GALNS: variants seen among roughly 807,000 people sequenced by gnomAD.
The protein encoded by GALNS is galactosamine (N-acetyl)-6-sulfatase, also known as N-acetylgalactosamine-6-sulfatase.
GALNS carries 65 observed loss-of-function variants against 65.9 expected under a neutral mutation model. That is an observed-to-expected ratio of 0.99 (90% confidence interval 0.81 to 1.21). The LOEUF (loss-of-function observed/expected upper bound fraction) is 1.21, where lower values mean the gene tolerates loss of function less well. Ranked by LOEUF, GALNS falls within the 50% of genes most tolerant of loss-of-function variation. The probability of loss-of-function intolerance (pLI) is 0.00; values close to 1 mark genes in which losing one functional copy is unlikely to be tolerated. For synonymous variants in GALNS, 346 were observed against 288.9 expected, an observed-to-expected ratio of 1.20 and a Z score of -2.00; for missense variants, 776 against 700.7, an observed-to-expected ratio of 1.11 and a Z score of -1.21.
At position 88,822,798 on chromosome 16, in the gene GALNS, C is replaced by T. The variant is rs974253456; in HGVS notation, c.1243-88G>A. 12 of 1,552,522 alleles carry T rather than the reference C, an allele frequency of 7.7e-6. No homozygotes were observed. The African/African-American group carries it at 1.5e-4, about 19-fold the overall frequency. ...TCTGCCCGTGTCCTGGAGCCCCTGA[C>T]TGCGGCCGTGAGGGGCCTTGTCTGC... is the stretch of plus-strand genomic sequence containing the variant. On this transcript the variant is annotated intron_variant, in intron 11 of 13. Coordinates refer to ENST00000268695, the MANE Select transcript of GALNS (RefSeq NM_000512.5).
chr16:88,824,921 C>T, intron 10 of GALNS, 52 bp from the exon 11 acceptor site: 1 of 1,472,676 alleles, frequency 6.8e-7, no homozygotes, highest in East Asian at 2.3e-5. Flanking sequence ...CACGCTGGGG[C>T]CACCTGGAGG....
intron 1 of GALNS, among the ~76,000 whole-genome samples, chr16:88,847,834 G>A (rs999928383): frequency 6.6e-6 from 1 of 152,236 alleles, no homozygotes; most frequent in Non-Finnish European, 1.5e-5. Context: ...GCCCGGCAGC[G>A]CCTCCCTGGT....
chr16:88,849,963 G>C (rs890232874), intron 1 of GALNS, among the ~76,000 whole-genome samples: 6 of 152,248 alleles, frequency 3.9e-5, no homozygotes, highest in African/African-American at 1.4e-4. Flanking sequence ...ATCCCACTGA[G>C]GCAGCAGAAA....
rs1912272757 is a variant in GALNS, at chr16:88,837,605, G to A, written c.566+17C>T. On this transcript the variant is annotated intron_variant, in intron 5 of 13. Coordinates refer to ENST00000268695, the MANE Select transcript of GALNS (RefSeq NM_000512.5). Reference sequence around the variant, plus strand: ...GCAGTTCAGGACGTGGGAGGGGAAGGGGTGGGGCTCCATTACCTGCCAACC... The same window carrying A: ...GCAGTTCAGGACGTGGGAGGGGAAGAGGTGGGGCTCCATTACCTGCCAACC... 6.2e-7 allele frequency: 1 copy of A among 1,611,752 alleles called. No individual in the cohort carries two copies. Among genetic ancestry groups the A allele is most frequent in the South Asian group, 1.1e-5 (1 of 91,002 alleles).
chr16:88,832,242 C>A, intron 8 of GALNS, 141 bp from the exon 9 acceptor site: 1 of 785,424 alleles, frequency 1.3e-6, no homozygotes, highest in South Asian at 1.5e-5. Flanking sequence ...ATGATCCGAG[C>A]CTCGGGGTGG....
At position 88,824,738 on chromosome 16, in the gene GALNS, C is replaced by T. The variant is rs115524203; in HGVS notation, c.1242+29G>A. The T allele has an allele frequency of 1.1e-3, 1,783 of 1,583,120 alleles. 23 individuals are homozygous for T. In the African/African-American group the frequency reaches 0.02, roughly 18 times the overall value. On this transcript the variant is annotated intron_variant, in intron 11 of 13. Transcript: ENST00000268695. ...GTCTGGATAGAGATGGGGGCAGCTC[C>T]GCCTGCGCCCACGTCCCGAGCCCTG...
Position 88,835,372 on chromosome 16 carries a change from G to C in GALNS, c.759-20C>G, listed in dbSNP as rs774998093. On this transcript the variant is annotated intron_variant, in intron 7 of 13. Transcript: ENST00000268695. ...CCATACCTGCAGGATGGTGACAAAA[G>C]GCATCTCCATACCTGGAGGATGGTG... 6.2e-7 allele frequency: 1 copy of C among 1,613,240 alleles called. No homozygotes were observed. Among genetic ancestry groups the C allele is most frequent in the Non-Finnish European group, 8.5e-7 (1 of 1,179,666 alleles).
intron 1 of GALNS, 98 bp downstream of exon 1, chr16:88,856,660 C>T (rs1242225233): frequency 4.4e-5 from 17 of 383,126 alleles, no homozygotes; most frequent in South Asian, 2.6e-4. Context: ...CCTCTCCCCC[C>T]ACCCCGCCCG....
In GALNS at chr16:88,837,611, G is replaced by A. The variant is rs370978045; in HGVS notation, c.566+11C>T. 1.1e-5 allele frequency: 17 copies of A among 1,612,038 alleles called. No homozygotes were observed. The African/African-American group carries it at 1.6e-4, about 15-fold the overall frequency. On this transcript the variant is annotated intron_variant, in intron 5 of 13. Coordinates refer to ENST00000268695, the MANE Select transcript of GALNS (RefSeq NM_000512.5). Reference sequence around the variant, plus strand: ...CAGGACGTGGGAGGGGAAGGGGTGGGGCTCCATTACCTGCCAACCATCTCC... The same window carrying A: ...CAGGACGTGGGAGGGGAAGGGGTGGAGCTCCATTACCTGCCAACCATCTCC...
intron 10 of GALNS, among the ~76,000 whole-genome samples, chr16:88,825,168 C>A (rs1184621183): frequency 2.8e-5 from 2 of 71,136 alleles, no homozygotes; most frequent in African/African-American, 1.2e-4. Flanking sequence ...GGTGTTTGGG[C>A]GGCCGGGGCT....
At chr16:88,836,882 G>A (rs1044573945) in intron 5 of GALNS, among the ~76,000 whole-genome samples, 4 of 152,326 alleles carry the variant, frequency 2.6e-5, no homozygotes, top group East Asian at 1.9e-4. Flanking sequence ...CTGGGGAGCC[G>A]CCGCTCAGGC....
chr16:88,855,940 G>A lies in GALNS; in HGVS notation c.120+818C>T. The stretch of plus-strand genomic sequence containing the variant: ...CTCACACACAACGTGAGCACGGCGG[G>A]ACAGGTGTAACCCCCCAGGTGTGGC... On this transcript the variant is annotated intron_variant, in intron 1 of 13. Transcript: ENST00000268695. 7 of 568,738 alleles carry A rather than the reference G, an allele frequency of 1.2e-5. 1 individual carries two copies. The South Asian group carries it at 1.4e-4, about 12-fold the overall frequency. The allele number at this position is 568,738 out of a possible 1,614,324, so 35.2% of individuals were successfully genotyped here.
chr16:88,832,207 G>A (rs1294131946), intron 8 of GALNS, 106 bp from the exon 9 acceptor site: 14 of 1,020,274 alleles, frequency 1.4e-5, no homozygotes, highest in Admixed American at 4.0e-5. Flanking sequence ...CAAAGGGCCC[G>A]GCCAAGGCAC....
Position 88,823,479 on chromosome 16 carries a change from C to T in GALNS, c.1243-769G>A, listed in dbSNP as rs567949621. On this transcript the variant is annotated intron_variant, in intron 11 of 13. Transcript: ENST00000268695. Reference sequence around the variant, plus strand: ...CGAGGACTGTGCCCAGGACGGCCCTCGCAGGCGGCAATGCCGGGGACCGAT... The same window carrying T: ...CGAGGACTGTGCCCAGGACGGCCCTTGCAGGCGGCAATGCCGGGGACCGAT... 3.3e-5 allele frequency among the ~76,000 whole-genome samples: 5 copies of T among 152,204 alleles called. No homozygotes were observed. The East Asian group carries it at 5.8e-4, about 18-fold the overall frequency.
intron 4 of GALNS, 47 bp from the exon 5 acceptor site, chr16:88,837,812 C>T (rs1912299795): frequency 1.2e-6 from 2 of 1,606,800 alleles, no homozygotes; most frequent in Non-Finnish European, 1.7e-6. Flanking sequence ...CGTGGGGACA[C>T]TCGGAAGTTC....
rs75439331 is a variant in GALNS at position 88,822,532 on chromosome 16, T to C, written c.1364+57A>G. On this transcript the variant is annotated intron_variant, in intron 12 of 13. Coordinates refer to ENST00000268695, the MANE Select transcript of GALNS (RefSeq NM_000512.5). ...GGGCTCTGTCCCTGTGGAGCCTGCA[T>C]TTGGGGGAGTCCGGCTGGCACTGCC... The C allele has an allele frequency of 2.9e-4, 470 of 1,600,048 alleles. 3 individuals carry two copies. In the East Asian group the frequency reaches 0.01, roughly 34 times the overall value.
chr16:88,817,218 CCT>C (rs1909723166), intron 13 of GALNS: 1 of 983,350 alleles, frequency 1.0e-6, no homozygotes, highest in Non-Finnish European at 1.2e-6. Context: ...CCTGAGAGGC[CCT>C]GACTGCTGCG....
intron 8 of GALNS, 38 bp from the exon 9 acceptor site, chr16:88,832,139 G>C (rs764170476): frequency 1.9e-6 from 3 of 1,556,420 alleles, no homozygotes; most frequent in East Asian, 2.3e-5. Context: ...ACTGGGACCA[G>C]ATGTCCCCAG....
At chr16:88,855,981 A>C (rs1394115939) in intron 1 of GALNS, 1 of 590,596 alleles carries the variant, frequency 1.7e-6, no homozygotes, top group Admixed American at 3.0e-5. Flanking sequence ...AGGTTCAAGA[A>C]TGGAAGTGAC....
Sources: gnomAD v4.1 joint callset for allele counts (sites outside exome capture counted in the v4.1 genomes callset) on GRCh38, gnomAD v4.1.1 for gene constraint, MANE v1.5 for transcripts, NCBI Gene and HGNC (gene_info 2026-07-23, HGNC 2026-07-21) for gene names.